The following PHEX variants were observed in gnomAD, a reference collection of about 807,000 sequenced individuals.
The protein encoded by PHEX is phosphate-regulating neutral endopeptidase PHEX.
PHEX carries 16 observed loss-of-function variants against 68.0 expected under a neutral mutation model. The ratio of observed to expected loss-of-function variants is 0.24; its 90% CI spans 0.16 to 0.36. The LOEUF (loss-of-function observed/expected upper bound fraction) is 0.36. PHEX is among the 10% of genes least tolerant of loss of function. PHEX has a pLI of 1.00. For missense variants in PHEX, 480 were observed against 575.5 expected (o/e 0.83, Z 1.70); for synonymous variants, 208 against 205.1 (o/e 1.01, Z -0.12).
intron 3 of PHEX, among the ~76,000 whole-genome samples, chrX:22,057,974 C>G (rs969796321): frequency 8.9e-6 from 1 of 111,783 alleles, no homozygotes; most frequent in African/African-American, 3.3e-5. Context: ...TCCCAGAAGA[C>G]TCTTGAGATG....
At chrX:22,236,975 G>A (rs922369574) in intron 20 of PHEX, among the ~76,000 whole-genome samples, 8 of 112,308 alleles carry the variant, frequency 7.1e-5, no homozygotes, top group Non-Finnish European at 1.3e-4. Context: ...GATTTAGGGG[G>A]GAAAAGTGGA....
intron 15 of PHEX, among the ~76,000 whole-genome samples, chrX:22,209,736 CTCCCTCTG>C (rs1934840714): frequency 1.1e-4 from 8 of 73,507 alleles, no homozygotes; most frequent in African/African-American, 3.9e-4. Context: ...GCTCCCTCTG[CTCCCTCTG>C]CTCCCTCTCC....
At chrX:22,171,372 A>G (rs1379186114) in intron 13 of PHEX, 1 of 110,841 alleles carries the variant, frequency 9.0e-6, no homozygotes, top group Non-Finnish European at 1.9e-5. Flanking sequence ...CCCTCCCTTG[A>G]CATATGGGGA....
intron 1 of PHEX, among the ~76,000 whole-genome samples, chrX:22,038,124 T>G (rs1398293002): frequency 9.1e-6 from 1 of 110,026 alleles, no homozygotes; most frequent in Non-Finnish European, 1.9e-5. Flanking sequence ...ACCCCCAGGG[T>G]TTCTGAGTCA....
intron 11 of PHEX, 27 bp from the exon 12 acceptor site, chrX:22,133,496 G>A (rs112654488): frequency 1.3e-5 from 15 of 1,138,104 alleles, no homozygotes; most frequent in East Asian, 9.0e-5. Flanking sequence ...TGGCTTTGAC[G>A]TTCCCTCTTT....
intron 12 of PHEX, among the ~76,000 whole-genome samples, chrX:22,152,002 C>A (rs1181391900): frequency 1.8e-5 from 2 of 112,018 alleles, no homozygotes; most frequent in Non-Finnish European, 3.8e-5. Flanking sequence ...GTTACTAATG[C>A]AGATGTGGTC....
At chrX:22,216,240 C>A (rs1935082751) in intron 16 of PHEX, among the ~76,000 whole-genome samples, 1 of 111,669 alleles carries the variant, frequency 9.0e-6, no homozygotes. Flanking sequence ...CATAGGACAG[C>A]CCTTACTTGA....
chrX:22,153,035 A>G (rs1932882678), intron 12 of PHEX, among the ~76,000 whole-genome samples: 1 of 107,401 alleles, frequency 9.3e-6, no homozygotes, highest in African/African-American at 3.4e-5. Context: ...TCTGTCACCT[A>G]GGCTGGAGTG....
At chrX:22,174,323 G>A (rs768567930) in intron 13 of PHEX, among the ~76,000 whole-genome samples, 4 of 111,834 alleles carry the variant, frequency 3.6e-5, no homozygotes, top group South Asian at 3.7e-4. Flanking sequence ...GATTACAAGC[G>A]GCTTTAAAAT....
intron 12 of PHEX, among the ~76,000 whole-genome samples, chrX:22,148,061 G>A (rs970394804): frequency 5.4e-4 from 60 of 111,029 alleles, no homozygotes; most frequent in African/African-American, 1.9e-3. Context: ...AAAACTTGCT[G>A]GCTTAAAACA....
rs950471046 is a variant in PHEX, at chrX:22,212,973, A to G, written c.1700+15A>G. 3.5e-6 allele frequency: 4 copies of G among 1,142,192 alleles called. No homozygotes were observed. The African/African-American group carries it at 5.4e-5, about 15-fold the overall frequency. 94.1% of individuals were successfully genotyped at this position (1,142,192 alleles called of 1,213,427 possible). A position where few individuals can be genotyped will look rare whatever the true frequency, so the allele number is the denominator to read the frequency against. On this transcript the variant is annotated intron_variant, in intron 16 of 21. Coordinates refer to ENST00000379374, the MANE Select transcript of PHEX (RefSeq NM_000444.6). ...GAATATCCTCGGTGAGTAAATGAGT[A>G]CAGAAACCAGTTACTGACCAATTAG...
chrX:22,066,451 C>T (rs766386836), intron 3 of PHEX, among the ~76,000 whole-genome samples: 11 of 112,161 alleles, frequency 9.8e-5, no homozygotes, highest in African/African-American at 3.6e-4. Flanking sequence ...TTTCTTTGAA[C>T]TTAGGAAGGT....
At chrX:22,092,749 C>CTTTTTTTT (rs370527485) in intron 6 of PHEX, among the ~76,000 whole-genome samples, 819 of 77,709 alleles carry the variant, frequency 0.011, 47 homozygotes, top group African/African-American at 0.035. Context: ...TTCTTTCTTT[C>CTTTTTTTT]TTTTTTTTTT....
chrX:22,168,301 C>T lies in PHEX; in HGVS notation c.1405-11C>T. 1 of 1,160,258 alleles carries T rather than the reference C, an allele frequency of 8.6e-7. No homozygotes were observed. The highest frequency in any genetic ancestry group is 1.2e-6 in the Non-Finnish European group (1 of 849,045). ...AAACTCTGACATTATTTTTCTTTTT[C>T]CTTTTTGTAGGCGAGAGCTGTTTTG... On this transcript the variant is annotated splice_polypyrimidine_tract_variant and intron_variant, in intron 12 of 21. Coordinates refer to ENST00000379374, the MANE Select transcript of PHEX (RefSeq NM_000444.6).
rs768639876 is a variant in PHEX at position 22,047,076 on chromosome X, C to T, written c.214C>T (p.Leu72=). The T allele has an allele frequency of 8.3e-7, 1 of 1,207,923 alleles. No individual in the cohort carries two copies. Among genetic ancestry groups the T allele is most frequent in the Non-Finnish European group, 1.1e-6 (1 of 893,205 alleles). ...TGCTGCCATCTTAAGTAAAGTAAAT[C>T]TGTCTGTGGATCCTTGTGATAATTT... The part of the protein sequence containing the change: ...AAAAILSKVN[L]SVDPCDNFFR... The change falls in exon 3 of 22, where the codon CTG becomes TTG. Residue 72 remains leucine (L), a synonymous_variant. Coordinates refer to ENST00000379374, the MANE Select transcript of PHEX (RefSeq NM_000444.6).
intron 8 of PHEX, chrX:22,097,799 G>A (rs1345058782): frequency 3.9e-6 from 2 of 515,301 alleles, no homozygotes; most frequent in Admixed American, 1.8e-4. Flanking sequence ...ACACAGTCTT[G>A]CTGTGTCATC....
chrX:22,058,361 C>T (rs1928212099), intron 3 of PHEX, among the ~76,000 whole-genome samples: 1 of 112,330 alleles, frequency 8.9e-6, no homozygotes, highest in Admixed American at 9.5e-5. Flanking sequence ...GTTAATTTCA[C>T]AAGGATTAAT....
chrX:22,043,983 C>T (rs1003177198), intron 2 of PHEX, among the ~76,000 whole-genome samples: 7 of 111,373 alleles, frequency 6.3e-5, no homozygotes, highest in Non-Finnish European at 3.8e-5. Context: ...CCCTGTGCCC[C>T]GCTGTGAATT....
At chrX:22,194,687 GT>G (rs1378120022) in intron 15 of PHEX, among the ~76,000 whole-genome samples, 13 of 112,369 alleles carry the variant, frequency 1.2e-4, no homozygotes, top group Non-Finnish European at 2.3e-4. Context: ...AAAACCTGTA[GT>G]TGTTTTTTCT....
Sources: gnomAD v4.1 joint callset for allele counts (sites outside exome capture counted in the v4.1 genomes callset) on GRCh38, gnomAD v4.1.1 for gene constraint, MANE v1.5 for transcripts, NCBI Gene and HGNC (gene_info 2026-07-23, HGNC 2026-07-21) for gene names.